The following TUT7 variants were observed in gnomAD, a reference collection of about 807,000 sequenced individuals.
The protein encoded by TUT7 is terminal uridylyltransferase 7.
In TUT7, 33 loss-of-function variants were observed where a neutral mutation model predicts 165.9. The observed-to-expected ratio is 0.20, with a 90% CI of 0.15 to 0.27. The LOEUF (loss-of-function observed/expected upper bound fraction) is 0.27, where lower values mean the gene tolerates loss of function less well. Among genes scored for constraint, TUT7 ranks in the 10% least tolerant of loss-of-function variants. The probability of loss-of-function intolerance (pLI) is 1.00; values close to 1 mark genes in which losing one functional copy is unlikely to be tolerated. For synonymous variants in TUT7, 552 were observed against 608.1 expected, an observed-to-expected ratio of 0.91 and a Z score of 1.36; for missense variants, 1,338 against 1,762.3, an observed-to-expected ratio of 0.76 and a Z score of 4.31.
rs749663048 is a variant in TUT7, at chr9:86,322,484, A to T, written c.2878-9T>A. ...CACACTACCGTAGGAGACTGCAGGA[A>T]TATGGCAAAGCAAAACAAGACTTAA... On this transcript the variant is annotated splice_polypyrimidine_tract_variant and intron_variant, in intron 13 of 26. Transcript: ENST00000375963. 1 of 1,599,340 alleles carries T rather than the reference A, an allele frequency of 6.3e-7. No homozygotes were observed. Among genetic ancestry groups the T allele is most frequent in the East Asian group, 2.2e-5 (1 of 44,780 alleles).
Position 86,305,233 on chromosome 9 carries a change from A to G in TUT7, c.3845T>C (p.Phe1282Ser). Reference sequence around the variant, plus strand: ...AGCTCCAAGATTATGATTCAAATCAAAGGGATCTAAGCAAAAAAATTTAAG... The same window carrying G: ...AGCTCCAAGATTATGATTCAAATCAGAGGGATCTAAGCAAAAAAATTTAAG... Reference protein sequence around the residue: ...TSKYIVIEDPFDLNHNLGAGL... With the variant: ...TSKYIVIEDPSDLNHNLGAGL... The change falls in exon 23 of 27, where the codon TTT (phenylalanine) becomes TCT (serine). Residue 1282 changes from phenylalanine to serine, a missense_variant. Transcript: ENST00000375963. 1 of 1,598,436 alleles carries G rather than the reference A, an allele frequency of 6.3e-7. No homozygotes were observed. Among genetic ancestry groups the G allele is most frequent in the Admixed American group, 1.8e-5 (1 of 56,986 alleles).
intron 16 of TUT7, among the ~76,000 whole-genome samples, chr9:86,317,781 G>C (rs1430116177): frequency 6.6e-6 from 1 of 152,118 alleles, no homozygotes; most frequent in Non-Finnish European, 1.5e-5. Context: ...AAGTCATACA[G>C]CAAATATAAA....
intron 26 of TUT7, among the ~76,000 whole-genome samples, chr9:86,295,346 C>T (rs1410601645): frequency 6.6e-6 from 1 of 151,726 alleles, no homozygotes; most frequent in South Asian, 2.1e-4. Flanking sequence ...TATTTACAGC[C>T]CCCCTCCCCC....
chr9:86,352,337 A>C (rs1832374850), intron 2 of TUT7, among the ~76,000 whole-genome samples: 6 of 152,200 alleles, frequency 3.9e-5, no homozygotes, highest in Admixed American at 3.9e-4. Context: ...TATAATCACA[A>C]TTTTGAAAAC....
In TUT7 at chr9:86,301,412, C is replaced by A. The variant is rs201523989; in HGVS notation, c.4284G>T (p.Gly1428=). The change falls in exon 26 of 27, where the codon GGG becomes GGT. Residue 1428 remains glycine (G), a synonymous_variant. Coordinates refer to ENST00000375963, the MANE Select transcript of TUT7 (RefSeq NM_024617.4). ...AKPMRAAADL[G]REKILRPPVE... Reference sequence around the variant, plus strand: ...CTGGTGGCCTGAGGATCTTCTCCCTCCCCAGGTCAGCAGCTGCCCGCATTG... The same window carrying A: ...CTGGTGGCCTGAGGATCTTCTCCCTACCCAGGTCAGCAGCTGCCCGCATTG... 2 of 1,614,024 alleles carry A rather than the reference C, an allele frequency of 1.2e-6. No individual in the cohort carries two copies. Among genetic ancestry groups the A allele is most frequent in the Non-Finnish European group, 1.7e-6 (2 of 1,180,014 alleles).
At chr9:86,312,981 C>T (rs953582708) in intron 17 of TUT7, among the ~76,000 whole-genome samples, 1 of 151,910 alleles carries the variant, frequency 6.6e-6, no homozygotes, top group African/African-American at 2.4e-5. Flanking sequence ...TGCAGAAGGC[C>T]GCAGGGTCCT....
intron 10 of TUT7, among the ~76,000 whole-genome samples, chr9:86,330,512 T>C (rs1403801556): frequency 2.0e-5 from 3 of 152,252 alleles, no homozygotes; most frequent in African/African-American, 7.2e-5. Context: ...GTTGGATGTA[T>C]GTATTCAATA....
chr9:86,298,154 T>C (rs1438208381), intron 26 of TUT7, among the ~76,000 whole-genome samples: 1 of 152,072 alleles, frequency 6.6e-6, no homozygotes, highest in African/African-American at 2.4e-5. Flanking sequence ...TTTTCTTGTT[T>C]TGTTATTTCT....
At chr9:86,344,565 T>C (rs1230904608) in intron 5 of TUT7, among the ~76,000 whole-genome samples, 1 of 151,482 alleles carries the variant, frequency 6.6e-6, no homozygotes, top group East Asian at 2.0e-4. Context: ...GCTGCAATTC[T>C]CTTAAGTACA....
intron 26 of TUT7, among the ~76,000 whole-genome samples, chr9:86,293,242 G>C (rs766356436): frequency 6.6e-6 from 1 of 152,052 alleles, no homozygotes; most frequent in Non-Finnish European, 1.5e-5. Context: ...CTGAGCCCAA[G>C]AGTTCAAGAC....
intron 26 of TUT7, among the ~76,000 whole-genome samples, chr9:86,289,071 T>C (rs1189957232): frequency 6.6e-6 from 1 of 152,206 alleles, no homozygotes; most frequent in Non-Finnish European, 1.5e-5. Flanking sequence ...GTATCTTCAT[T>C]TGCAGCCAAA....
At position 86,309,526 on chromosome 9, in the gene TUT7, A is replaced by G. The variant is rs1384038802; in HGVS notation, c.3519T>C (p.Tyr1173=). 1.2e-6 allele frequency: 2 copies of G among 1,613,756 alleles called. No homozygotes were observed. Among genetic ancestry groups the G allele is most frequent in the East Asian group, 2.2e-5 (1 of 44,852 alleles). ...GGAGAAAATATAGCACCATAAGAGT[A>G]TATGCATACGATGATAAGCTGCCTC... The part of the protein sequence containing the change: ...ASRGSLSSYA[Y]TLMVLYFLQQ... The change falls in exon 20 of 27, where the codon TAT becomes TAC. Residue 1173 remains tyrosine (Y), a synonymous_variant. Coordinates refer to ENST00000375963, the MANE Select transcript of TUT7 (RefSeq NM_024617.4).
intron 18 of TUT7, 53 bp from the exon 19 acceptor site, chr9:86,310,070 CT>C (rs5898925): frequency 0.023 from 25,130 of 1,091,358 alleles, no homozygotes; most frequent in Non-Finnish European, 0.025. Flanking sequence ...TAAAGGGTCT[CT>C]TTTTTTTTTT....
rs1206908619 is a variant in TUT7, at chr9:86,345,053, G to A, written c.921C>T (p.Gly307=). The part of the protein sequence containing the change: ...IAIDKVVQEF[G]LHNENLEQRL... ...TCTGTTCCAAGTTCTCATTGTGTAA[G>A]CCAAATTCCTGTACCACTTTGTCAA... Residue 307 remains glycine (G), a synonymous_variant, in exon 5 of 27, where the codon GGC becomes GGT. Coordinates refer to ENST00000375963, the MANE Select transcript of TUT7 (RefSeq NM_024617.4). 3 of 1,613,684 alleles carry A rather than the reference G, an allele frequency of 1.9e-6. No individual in the cohort carries two copies. Among genetic ancestry groups the A allele is most frequent in the Non-Finnish European group, 2.5e-6 (3 of 1,179,870 alleles).
At chr9:86,349,423 CAT>C (rs1162939583) in intron 2 of TUT7, among the ~76,000 whole-genome samples, 1 of 152,084 alleles carries the variant, frequency 6.6e-6, no homozygotes, top group African/African-American at 2.4e-5. Flanking sequence ...TCACAAAGGA[CAT>C]GTGTATTTGA....
chr9:86,294,258 G>A (rs1826117122), intron 26 of TUT7, among the ~76,000 whole-genome samples: 1 of 141,140 alleles, frequency 7.1e-6, no homozygotes, highest in Admixed American at 7.2e-5. Context: ...TCCTACTGTG[G>A]TGTATTGCCA....
intron 11 of TUT7, chr9:86,326,412 A>G (rs1829802256): frequency 6.5e-6 from 1 of 154,914 alleles, no homozygotes; most frequent in Admixed American, 6.5e-5. Flanking sequence ...TAGTGTCTGT[A>G]AAGTGCTTAG....
At position 86,311,403 on chromosome 9, in the gene TUT7, T is replaced by C. The variant is rs955245489; in HGVS notation, c.3275-594A>G. Among the ~76,000 whole-genome samples, 1 of 152,076 alleles carries C rather than the reference T, an allele frequency of 6.6e-6. No homozygotes were observed. The highest frequency in any genetic ancestry group is 1.5e-5 in the Non-Finnish European group (1 of 68,028). ...CAAGGCAAACTGTACACAAAAAGTGTAGATGCCTGAAATAGAATGGTACGT... is the reference window on the plus strand; with the variant it reads ...CAAGGCAAACTGTACACAAAAAGTGCAGATGCCTGAAATAGAATGGTACGT... On this transcript the variant is annotated intron_variant, in intron 17 of 26. Coordinates refer to ENST00000375963, the MANE Select transcript of TUT7 (RefSeq NM_024617.4). The surrounding 1 kb of genome is among the most constrained non-coding windows in gnomAD (Gnocchi z 4.4).
In TUT7 at chr9:86,309,143, CAT is replaced by C; in HGVS notation, c.3660+67_3660+68del. ...AACAAGCAATAAAATAGTTGTTGAA[CAT>C]CTACACTGTAGTATAGCTAATTTTT... On this transcript the variant is annotated intron_variant, in intron 21 of 26. Transcript: ENST00000375963. 5.4e-6 allele frequency: 5 copies of C among 924,578 alleles called. No homozygotes were observed. In the South Asian group the frequency reaches 7.3e-5, roughly 14 times the overall value. The allele number at this position is 924,578 out of a possible 1,614,324, so 57.3% of individuals were successfully genotyped here.
Sources: gnomAD v4.1 joint callset for allele counts (sites outside exome capture counted in the v4.1 genomes callset) on GRCh38, gnomAD v4.1.1 for gene constraint, Gnocchi (gnomAD v3.1) non-coding constraint, MANE v1.5 for transcripts, NCBI Gene and HGNC (gene_info 2026-07-23, HGNC 2026-07-21) for gene names.